SKAP2: variants seen among roughly 807,000 people sequenced by gnomAD.
SKAP2 encodes the protein src kinase associated phosphoprotein 2.
In SKAP2, 28 loss-of-function variants were observed where a neutral mutation model predicts 54.9. That is an observed-to-expected ratio of 0.51 (90% CI 0.38 to 0.70). The LOEUF (loss-of-function observed/expected upper bound fraction) is 0.70. Among genes scored for constraint, SKAP2 ranks in the 30% least tolerant of loss-of-function variants. SKAP2 has a pLI of 0.00. For missense variants in SKAP2, 356 were observed against 424.1 expected (o/e 0.84, Z 1.41); for synonymous variants, 137 against 134.3 (o/e 1.02, Z -0.14).
intron 4 of SKAP2, among the ~76,000 whole-genome samples, chr7:26,790,326 C>T (rs1385046412): frequency 6.6e-6 from 1 of 152,192 alleles, no homozygotes; most frequent in Admixed American, 6.5e-5. Context: ...GATGTTGTGG[C>T]TGATTTTGGT....
At chr7:26,862,121 T>C (rs3801803) in intron 1 of SKAP2, among the ~76,000 whole-genome samples, 31,856 of 151,922 alleles carry the variant, frequency 0.21, 3,415 homozygotes, top group Non-Finnish European at 0.23. Context: ...ACTTCTATAA[T>C]GTTACTCTAA....
intron 4 of SKAP2, among the ~76,000 whole-genome samples, chr7:26,762,111 A>G (rs1464005865): frequency 2.0e-5 from 3 of 152,120 alleles, no homozygotes; most frequent in South Asian, 4.1e-4. Flanking sequence ...ATGATATTGC[A>G]AAGTTCAATT....
intron 4 of SKAP2, among the ~76,000 whole-genome samples, chr7:26,798,831 T>C (rs990269022): frequency 6.6e-6 from 1 of 152,212 alleles, no homozygotes; most frequent in East Asian, 1.9e-4. Context: ...ATTCAAATAG[T>C]GTTGTTTTTA....
chr7:26,679,165 T>TA (rs1008022146), intron 11 of SKAP2, among the ~76,000 whole-genome samples: 2 of 152,194 alleles, frequency 1.3e-5, no homozygotes, highest in African/African-American at 2.4e-5. Flanking sequence ...GACACTGCCT[T>TA]CTGGCTTTTC....
intron 4 of SKAP2, among the ~76,000 whole-genome samples, chr7:26,749,655 T>C (rs1282300480): frequency 1.3e-5 from 2 of 151,598 alleles, no homozygotes; most frequent in Non-Finnish European, 1.5e-5. Flanking sequence ...GGCAGGAGGA[T>C]AGTTTGAGTC....
intron 6 of SKAP2, among the ~76,000 whole-genome samples, chr7:26,737,702 T>G (rs528816320): frequency 1.8e-4 from 27 of 152,298 alleles, no homozygotes; most frequent in Non-Finnish European, 3.2e-4. Context: ...GATACAACCT[T>G]TACTTTATAA....
chr7:26,769,890 C>A (rs1783146735), intron 4 of SKAP2, among the ~76,000 whole-genome samples: 1 of 152,162 alleles, frequency 6.6e-6, no homozygotes, highest in Non-Finnish European at 1.5e-5. Flanking sequence ...TGTCTGTCGA[C>A]CCCTGCTGGG....
intron 4 of SKAP2, among the ~76,000 whole-genome samples, chr7:26,796,966 C>A (rs370313713): frequency 1.3e-5 from 2 of 151,976 alleles, no homozygotes; most frequent in East Asian, 1.9e-4. Flanking sequence ...AACATTTGGG[C>A]AAATGGTCAT....
intron 4 of SKAP2, among the ~76,000 whole-genome samples, chr7:26,797,178 C>T (rs1271562440): frequency 6.6e-6 from 1 of 152,236 alleles, no homozygotes; most frequent in Non-Finnish European, 1.5e-5. Context: ...TTGCCACTGG[C>T]TAATTGTAGA....
At position 26,857,324 on chromosome 7, in the gene SKAP2, A is replaced by AAAAC. The variant is rs1398426176; in HGVS notation, c.68-2435_68-2434insGTTT. 2.4e-5 allele frequency: 6 copies of AAAAC among 252,548 alleles called. No individual in the cohort carries two copies. The East Asian group carries it at 1.1e-3, about 45-fold the overall frequency. The allele number at this position is 252,548 out of a possible 1,614,324, so 15.6% of individuals were successfully genotyped here. ...ACTGCTTTGCTTAAAAAAAAAAAAA[A>AAAAC]AAAAAAAAAAACTTTAAACTGGAAG... On this transcript the variant is annotated intron_variant, in intron 1 of 12. Coordinates refer to ENST00000345317, the MANE Select transcript of SKAP2 (RefSeq NM_003930.5).
At chr7:26,666,773 TGAAA>T (rs912951362), downstream of SKAP2, among the ~76,000 whole-genome samples, 3 of 152,098 alleles carry the variant, frequency 2.0e-5, no homozygotes, top group Admixed American at 6.5e-5. Flanking sequence ...TCTTTTTCTA[TGAAA>T]GAAAGTGTCA....
At chr7:26,708,840 C>G (rs1268254402) in intron 9 of SKAP2, among the ~76,000 whole-genome samples, 1 of 152,192 alleles carries the variant, frequency 6.6e-6, no homozygotes, top group South Asian at 2.1e-4. Context: ...CAGTGTCTAG[C>G]ACAGTGCCTG....
At chr7:26,663,149 A>G (rs1174512392), downstream of SKAP2, among the ~76,000 whole-genome samples, 2 of 152,128 alleles carry the variant, frequency 1.3e-5, no homozygotes, top group Non-Finnish European at 2.9e-5. Context: ...GAAACATTTC[A>G]AAGAACTCTA....
chr7:26,677,694 A>C lies in SKAP2; in HGVS notation c.987+7042T>G, dbSNP rs201092145. Reference sequence around the variant, plus strand: ...CAGGACTACAACACTGATACCCTACATTGTGTTTTATTGCTATTATCTATT... The same window carrying C: ...CAGGACTACAACACTGATACCCTACCTTGTGTTTTATTGCTATTATCTATT... On this transcript the variant is annotated intron_variant, in intron 11 of 12. Transcript: ENST00000345317. 1.1e-4 allele frequency among the ~76,000 whole-genome samples: 17 copies of C among 152,194 alleles called. No individual in the cohort carries two copies. In the East Asian group the frequency reaches 3.3e-3, roughly 29 times the overall value.
intron 9 of SKAP2, among the ~76,000 whole-genome samples, chr7:26,707,966 A>G (rs1162231702): frequency 6.6e-6 from 1 of 152,164 alleles, no homozygotes; most frequent in Non-Finnish European, 1.5e-5. Flanking sequence ...CTTAAGAAAA[A>G]CACTTCCAGA....
intron 9 of SKAP2, among the ~76,000 whole-genome samples, chr7:26,696,446 G>C (rs752214271): frequency 3.3e-5 from 5 of 152,170 alleles, no homozygotes; most frequent in Non-Finnish European, 7.3e-5. Flanking sequence ...AGTAGGAAGA[G>C]TAAGTCTATC....
chr7:26,857,621 G>T, intron 1 of SKAP2: 5 of 985,412 alleles, frequency 5.1e-6, no homozygotes, highest in Non-Finnish European at 6.0e-6. Context: ...CTCCAGCTCT[G>T]CCCTCTGAGA....
chr7:26,656,671 C>T, the SKAP2 span, among the ~76,000 whole-genome samples: 2 of 152,174 alleles, frequency 1.3e-5, no homozygotes, highest in Admixed American at 1.3e-4. Flanking sequence ...ATTGCAGAAA[C>T]TCTTTCATAA....
At chr7:26,734,638 C>T (rs530035902) in intron 6 of SKAP2, among the ~76,000 whole-genome samples, 2 of 152,298 alleles carry the variant, frequency 1.3e-5, no homozygotes, top group South Asian at 4.1e-4. Flanking sequence ...AAGGCACCAG[C>T]AGGGTCAGTG....
Sources: allele counts gnomAD v4.1 joint callset (sites outside exome capture counted in the v4.1 genomes callset), GRCh38; gene constraint gnomAD v4.1.1; transcripts MANE v1.5; gene names NCBI Gene and HGNC (gene_info 2026-07-23, HGNC 2026-07-21).